FYB1: variants seen among roughly 807,000 people sequenced by gnomAD.
FYB1 encodes the protein FYN binding protein 1, also known as FYN-binding protein 1.
Under a neutral mutation model 94.1 loss-of-function variants are expected in FYB1, and 41 were observed. The observed-to-expected ratio is 0.44, with a 90% CI of 0.34 to 0.57. The LOEUF (loss-of-function observed/expected upper bound fraction) is 0.57, where lower values mean the gene tolerates loss of function less well. Among genes scored for constraint, FYB1 ranks in the 20% least tolerant of loss-of-function variants. The pLI is 0.02. For synonymous variants in FYB1, 367 were observed against 353.2 expected, an observed-to-expected ratio of 1.04 and a Z score of -0.44; for missense variants, 1,050 against 976.8, an observed-to-expected ratio of 1.07 and a Z score of -1.00.
At chr5:39,167,118 C>A (rs545467431) in intron 2 of FYB1, among the ~76,000 whole-genome samples, 23 of 152,032 alleles carry the variant, frequency 1.5e-4, no homozygotes, top group Admixed American at 1.4e-3. Flanking sequence ...TTTGCACCAA[C>A]CTAAAAGAAG....
chr5:39,226,805 T>C (rs887876117), intron 1 of FYB1, among the ~76,000 whole-genome samples: 1 of 152,198 alleles, frequency 6.6e-6, no homozygotes, highest in Non-Finnish European at 1.5e-5. Flanking sequence ...AAACTGCTAT[T>C]GTAACTAGCT....
chr5:39,214,607 C>T lies in FYB1; in HGVS notation c.-28+4836G>A, dbSNP rs184417334. On this transcript the variant is annotated intron_variant, in intron 1 of 18. Coordinates refer to ENST00000512982, the MANE Select transcript of FYB1 (RefSeq NM_001465.6). ...TCAAGGAGAAACCTTGAAGACATTACGCCAAGTGAAATAAGCCAGTCACGA... is the reference window on the plus strand; with the variant it reads ...TCAAGGAGAAACCTTGAAGACATTATGCCAAGTGAAATAAGCCAGTCACGA... Among the ~76,000 whole-genome samples, 349 of 152,290 alleles carry T rather than the reference C, an allele frequency of 2.3e-3. 2 individuals carry two copies. Among genetic ancestry groups the T allele is most frequent in the Admixed American group, 4.7e-3 (72 of 15,284 alleles).
intron 2 of FYB1, 112 bp from the exon 3 acceptor site, chr5:39,153,716 T>C (rs1028644419): frequency 2.4e-6 from 2 of 846,458 alleles, no homozygotes; most frequent in Non-Finnish European, 3.7e-6. Flanking sequence ...AATTAACAAC[T>C]GGCTATATGG....
At chr5:39,163,269 T>A (rs1744434185) in intron 2 of FYB1, among the ~76,000 whole-genome samples, 1 of 152,226 alleles carries the variant, frequency 6.6e-6, no homozygotes, top group Admixed American at 6.5e-5. Context: ...ACTGTAATTA[T>A]ATTAGTATGA....
chr5:39,244,262 G>C (rs1751361395), intron 1 of FYB1, among the ~76,000 whole-genome samples: 1 of 152,112 alleles, frequency 6.6e-6, no homozygotes, highest in African/African-American at 2.4e-5. Flanking sequence ...CATTCGGTAT[G>C]ATATTGGCTG....
intron 1 of FYB1, among the ~76,000 whole-genome samples, chr5:39,243,968 T>C (rs1423794553): frequency 6.6e-6 from 1 of 152,212 alleles, no homozygotes; most frequent in Non-Finnish European, 1.5e-5. Context: ...ATAAGAATGC[T>C]TGTGATTTTT....
intron 1 of FYB1, among the ~76,000 whole-genome samples, chr5:39,214,060 C>T (rs955768749): frequency 1.3e-5 from 2 of 152,002 alleles, no homozygotes; most frequent in African/African-American, 4.8e-5. Flanking sequence ...ATGAAACACA[C>T]CAAAACCCTT....
intron 1 of FYB1, among the ~76,000 whole-genome samples, chr5:39,229,308 G>A (rs1302261881): frequency 1.3e-5 from 2 of 152,268 alleles, no homozygotes; most frequent in South Asian, 2.1e-4. Context: ...CTGCTTGCAC[G>A]AAATACGAAG....
chr5:39,244,760 C>T (rs187061305), intron 1 of FYB1, among the ~76,000 whole-genome samples: 15 of 152,156 alleles, frequency 9.9e-5, no homozygotes, highest in African/African-American at 3.4e-4. Flanking sequence ...GCTGTGAATC[C>T]GTCTGGTCCT....
chr5:39,208,747 T>C (rs1019051169), intron 1 of FYB1: 1 of 152,062 alleles, frequency 6.6e-6, no homozygotes, highest in Non-Finnish European at 1.5e-5. Context: ...CCAGGTTCTG[T>C]GGGGGTGATG....
At chr5:39,200,278 G>T (rs940857031) in intron 2 of FYB1, among the ~76,000 whole-genome samples, 1 of 152,156 alleles carries the variant, frequency 6.6e-6, no homozygotes, top group Admixed American at 6.5e-5. Context: ...AAGAGGACTT[G>T]GTTAGCATTT....
At chr5:39,210,209 C>A (rs1295204562) in intron 1 of FYB1, among the ~76,000 whole-genome samples, 1 of 152,180 alleles carries the variant, frequency 6.6e-6, no homozygotes, top group African/African-American at 2.4e-5. Flanking sequence ...CAGCGATGCC[C>A]TGTCTGCTAT....
chr5:39,249,952 G>T (rs1751645532), intron 1 of FYB1, among the ~76,000 whole-genome samples: 1 of 152,118 alleles, frequency 6.6e-6, no homozygotes, highest in Admixed American at 6.5e-5. Flanking sequence ...TGGATCATGG[G>T]GGTGGTTTCC....
At chr5:39,113,535 T>A (rs10061822) in intron 16 of FYB1, among the ~76,000 whole-genome samples, 4 of 151,896 alleles carry the variant, frequency 2.6e-5, no homozygotes, top group Non-Finnish European at 4.4e-5. Flanking sequence ...AATGTTTGCT[T>A]GCTACAGTGC....
At chr5:39,206,719 T>C (rs899529353) in intron 1 of FYB1, among the ~76,000 whole-genome samples, 3 of 152,228 alleles carry the variant, frequency 2.0e-5, no homozygotes, top group African/African-American at 7.2e-5. Context: ...ATAAACTACA[T>C]GGTGACCTTC....
chr5:39,169,354 TA>T (rs1219056987), intron 2 of FYB1: 1 of 757,076 alleles, frequency 1.3e-6, no homozygotes, highest in African/African-American at 1.8e-5. Context: ...AGACGAATAC[TA>T]AACCGGTCAA....
chr5:39,145,077 G>A (rs1349007774), intron 3 of FYB1, among the ~76,000 whole-genome samples: 1 of 152,106 alleles, frequency 6.6e-6, no homozygotes, highest in Non-Finnish European at 1.5e-5. Context: ...AGACAAGATT[G>A]GCCATGAGTT....
intron 16 of FYB1, among the ~76,000 whole-genome samples, chr5:39,115,821 C>A (rs1449075587): frequency 6.6e-6 from 1 of 152,086 alleles, no homozygotes; most frequent in East Asian, 1.9e-4. Flanking sequence ...TAATACTTAA[C>A]CCGAAAGTCA....
Position 39,153,562 on chromosome 5 carries a change from G to C in FYB1, c.1178C>G (p.Pro393Arg), listed in dbSNP as rs1392104631. ...GGCCGGATGGGATGGTGGAGGTGGT[G>C]GCAGGGAAGTTGTTGAGTAAGACGT... Reference protein sequence around the residue: ...GQTSYSTTSLPPPPPSHPASQ... With the variant: ...GQTSYSTTSLRPPPPSHPASQ... Residue 393 changes from proline to arginine, a missense_variant, in exon 3 of 19, where the codon CCA (proline) becomes CGA (arginine). Physicochemically the swap from Pro to Arg is moderately radical, Grantham distance 103. Coordinates refer to ENST00000512982, the MANE Select transcript of FYB1 (RefSeq NM_001465.6). 1 of 1,613,882 alleles carries C rather than the reference G, an allele frequency of 6.2e-7. No homozygotes were observed. Among genetic ancestry groups the C allele is most frequent in the Non-Finnish European group, 8.5e-7 (1 of 1,179,862 alleles).
Sources: allele counts gnomAD v4.1 joint callset (sites outside exome capture counted in the v4.1 genomes callset), GRCh38; gene constraint gnomAD v4.1.1; transcripts MANE v1.5; gene names NCBI Gene and HGNC (gene_info 2026-07-23, HGNC 2026-07-21).